The following SEPTIN9 variants were observed in gnomAD, a reference collection of about 807,000 sequenced individuals.
SEPTIN9 encodes septin 9.
Under a neutral mutation model 56.6 loss-of-function variants are expected in SEPTIN9, and 13 were observed. The ratio of observed to expected loss-of-function variants is 0.23; its 90% CI spans 0.15 to 0.37. SEPTIN9 has a LOEUF of 0.37. Ranked by LOEUF, SEPTIN9 falls within the 10% of genes least tolerant of loss-of-function variation. The pLI, the probability that SEPTIN9 is intolerant of heterozygous loss-of-function variation, is 1.00. For missense variants in SEPTIN9, 650 were observed against 823.1 expected, an observed-to-expected ratio of 0.79 and a Z score of 2.57; for synonymous variants, 332 against 334.1, an observed-to-expected ratio of 0.99 and a Z score of 0.07.
chr17:77,415,228 C>G (rs1284059621), intron 3 of SEPTIN9, among the ~76,000 whole-genome samples: 2 of 152,152 alleles, frequency 1.3e-5, no homozygotes, highest in African/African-American at 4.8e-5. Flanking sequence ...CCCTGGGTTG[C>G]CTCTGGGCGC....
chr17:77,342,191 GAC>G (rs2033755711), intron 2 of SEPTIN9, among the ~76,000 whole-genome samples: 1 of 152,182 alleles, frequency 6.6e-6, no homozygotes, highest in Non-Finnish European at 1.5e-5. Flanking sequence ...CCTACACAGA[GAC>G]ACAGTGTTAA....
chr17:77,287,939 C>G, intron 1 of SEPTIN9: 2 of 1,047,614 alleles, frequency 1.9e-6, no homozygotes, highest in Non-Finnish European at 2.3e-6. Flanking sequence ...GGCAGGAACT[C>G]AAGTCGCTGG....
At position 77,367,109 on chromosome 17, in the gene SEPTIN9, T is replaced by C. The variant is rs312888; in HGVS notation, c.77-34950T>C. Among the ~76,000 whole-genome samples, 118,235 of 152,060 alleles carry C rather than the reference T, an allele frequency of 0.78. 46,251 individuals carry two copies. Among genetic ancestry groups the C allele is most frequent in the East Asian group, 0.97 (5,025 of 5,176 alleles). ...AGAGGGTGTGATGGGGTGTGGTAGC[T>C]GCACACCGGCTCAGTCAGGCTGAAT... is the stretch of plus-strand genomic sequence containing the variant. On this transcript the variant is annotated intron_variant, in intron 2 of 11. Coordinates refer to ENST00000427177, the MANE Select transcript of SEPTIN9 (RefSeq NM_001113491.2). This position sits in a 1 kb window ranked among gnomAD's most constrained non-coding sequence, Gnocchi z 4.5.
chr17:77,384,842 A>AACACACACACACACAC (rs146495461), intron 2 of SEPTIN9, among the ~76,000 whole-genome samples: 81 of 142,252 alleles, frequency 5.7e-4, no homozygotes, highest in African/African-American at 1.6e-3. Context: ...AACCTGTTTA[A>AACACACACACACACAC]ACACACACAC....
At chr17:77,331,888 C>A (rs747434142) in intron 2 of SEPTIN9, among the ~76,000 whole-genome samples, 7 of 152,196 alleles carry the variant, frequency 4.6e-5, no homozygotes, top group Non-Finnish European at 8.8e-5. Context: ...CTCCTGCCAT[C>A]TCTTTTATTT....
chr17:77,460,019 G>A (rs1430291008), intron 3 of SEPTIN9, among the ~76,000 whole-genome samples: 11 of 152,034 alleles, frequency 7.2e-5, no homozygotes, highest in African/African-American at 1.9e-4. Flanking sequence ...CTTTGTGACC[G>A]TGGGGAGGGC....
chr17:77,414,223 C>T (rs2036410244), intron 3 of SEPTIN9, among the ~76,000 whole-genome samples: 1 of 152,030 alleles, frequency 6.6e-6, no homozygotes, highest in South Asian at 2.1e-4. Flanking sequence ...AGATTACAGA[C>T]ATGTACCACT....
chr17:77,488,569 G>A (rs886300849), intron 6 of SEPTIN9, among the ~76,000 whole-genome samples, 158 bp from the exon 7 acceptor site: 1 of 152,190 alleles, frequency 6.6e-6, no homozygotes, highest in Non-Finnish European at 1.5e-5. Flanking sequence ...TTGGGAGGCC[G>A]AGGGTAAGGC....
intron 3 of SEPTIN9, among the ~76,000 whole-genome samples, chr17:77,430,225 C>T (rs1234637826): frequency 6.6e-6 from 1 of 152,190 alleles, no homozygotes; most frequent in Non-Finnish European, 1.5e-5. Flanking sequence ...CCCCAGCTTT[C>T]TCTGCCCGAG....
chr17:77,450,694 C>T lies in SEPTIN9; in HGVS notation c.722-31450C>T, dbSNP rs1347868383. 3.0e-6 allele frequency: 3 copies of T among 986,136 alleles called. No homozygotes were observed. Among genetic ancestry groups the T allele is most frequent in the Non-Finnish European group, 3.6e-6 (3 of 830,642 alleles). The allele number at this position is 986,136 out of a possible 1,614,324, so 61.1% of individuals were successfully genotyped here. A position where few individuals can be genotyped will look rare whatever the true frequency, so the allele number is the denominator to read the frequency against. On this transcript the variant is annotated intron_variant, in intron 3 of 11. Coordinates refer to ENST00000427177, the MANE Select transcript of SEPTIN9 (RefSeq NM_001113491.2). This position sits in a 1 kb window ranked among gnomAD's most constrained non-coding sequence, Gnocchi z 6.0. ...AGGGAGGGGGAGAGGAAGAGACTGA[C>T]TCACTGGCCAGGTCCCCCAGGGGCT...
intron 2 of SEPTIN9, chr17:77,320,154 A>G: frequency 6.6e-7 from 1 of 1,516,360 alleles, no homozygotes; most frequent in South Asian, 1.3e-5. Context: ...GGTAATTCGG[A>G]TGCATTCGTG....
chr17:77,300,055 C>T (rs2031969831), intron 1 of SEPTIN9, among the ~76,000 whole-genome samples: 1 of 152,208 alleles, frequency 6.6e-6, no homozygotes, highest in African/African-American at 2.4e-5. Flanking sequence ...CCTTCCGCTT[C>T]ACAGGGAGGA....
chr17:77,438,558 G>T (rs1485237844), intron 3 of SEPTIN9, among the ~76,000 whole-genome samples: 1 of 152,178 alleles, frequency 6.6e-6, no homozygotes, highest in African/African-American at 2.4e-5. Context: ...TTTTAAAAGC[G>T]CAATAGACCA....
In SEPTIN9 at chr17:77,451,315, T is replaced by A; in HGVS notation, c.722-30829T>A. On this transcript the variant is annotated intron_variant, in intron 3 of 11. Coordinates refer to ENST00000427177, the MANE Select transcript of SEPTIN9 (RefSeq NM_001113491.2). This position sits in a 1 kb window ranked among gnomAD's most constrained non-coding sequence, Gnocchi z 4.2. ...ATCTCTGCCTGCCCCCTCCTCCTGC[T>A]CCCCTCGCCCTGCCCCCTTGGAGCA... 1 of 969,896 alleles carries A rather than the reference T, an allele frequency of 1.0e-6. No individual in the cohort carries two copies. Among genetic ancestry groups the A allele is most frequent in the Non-Finnish European group, 1.2e-6 (1 of 815,542 alleles). 60.1% of individuals were successfully genotyped at this position (969,896 alleles called of 1,614,324 possible).
chr17:77,493,202 G>C, intron 10 of SEPTIN9, 126 bp downstream of exon 10: 1 of 697,020 alleles, frequency 1.4e-6, no homozygotes, highest in Non-Finnish European at 2.5e-6. Flanking sequence ...GCCCCACCCA[G>C]AGGGAGGGGT....
At chr17:77,472,683 T>C (rs1193659039) in intron 3 of SEPTIN9, 1 of 152,210 alleles carries the variant, frequency 6.6e-6, no homozygotes, top group African/African-American at 2.4e-5. Flanking sequence ...GCCAGAGCCA[T>C]TGTGCTCGAT....
chr17:77,351,393 A>T (rs1413861080), intron 2 of SEPTIN9, among the ~76,000 whole-genome samples: 1 of 152,232 alleles, frequency 6.6e-6, no homozygotes, highest in African/African-American at 2.4e-5. Flanking sequence ...TGAAGGGAAC[A>T]TTAAGTGGGG....
chr17:77,394,800 G>T (rs937742336), intron 2 of SEPTIN9, among the ~76,000 whole-genome samples: 1 of 152,216 alleles, frequency 6.6e-6, no homozygotes, highest in Non-Finnish European at 1.5e-5. Context: ...ATGGTCCCTT[G>T]TGCGGCACAT....
chr17:77,387,277 G>A (rs998499553), intron 2 of SEPTIN9, among the ~76,000 whole-genome samples: 1 of 152,210 alleles, frequency 6.6e-6, no homozygotes, highest in African/African-American at 2.4e-5. Context: ...ATGTAGATGC[G>A]TCACGCCACT....
Sources: allele counts gnomAD v4.1 joint callset (sites outside exome capture counted in the v4.1 genomes callset), GRCh38; gene constraint gnomAD v4.1.1; non-coding constraint Gnocchi (gnomAD v3.1); transcripts MANE v1.5; gene names NCBI Gene and HGNC (gene_info 2026-07-23, HGNC 2026-07-21).